The following NCOR1 variants were observed in gnomAD, a reference collection of about 807,000 sequenced individuals.
The protein encoded by NCOR1 is nuclear receptor corepressor 1.
NCOR1 carries 63 observed loss-of-function variants against 288.1 expected under a neutral mutation model. The ratio of observed to expected loss-of-function variants is 0.22; its 90% confidence interval spans 0.18 to 0.27. The LOEUF (loss-of-function observed/expected upper bound fraction) is 0.27, where lower values mean the gene tolerates loss of function less well. Ranked by LOEUF, NCOR1 falls within the 10% of genes least tolerant of loss-of-function variation. NCOR1 has a pLI of 1.00. For missense variants in NCOR1, 2,397 were observed against 3,019.2 expected (o/e 0.79, Z 4.83); for synonymous variants, 1,007 against 1,065.9 (o/e 0.94, Z 1.08).
chr17:16,146,347 TCA>T lies in NCOR1; in HGVS notation c.1082+27_1082+28del, dbSNP rs556527571. 1.6e-3 allele frequency: 2,434 copies of T among 1,551,874 alleles called. 6 individuals are homozygous for T. Among genetic ancestry groups the T allele is most frequent in the Non-Finnish European group, 1.7e-3 (1,987 of 1,154,066 alleles). ...AACAATAAATATTTGAAGAAAAATA[TCA>T]CAGTCATTAAACATCAAACTACTCA... On this transcript the variant is annotated intron_variant, in intron 10 of 45. Transcript: ENST00000268712.
At chr17:16,073,633 G>C (rs1228010741) in intron 27 of NCOR1, 64 bp from the exon 28 acceptor site, 1 of 1,342,018 alleles carries the variant, frequency 7.5e-7, no homozygotes. Flanking sequence ...ACAGTAAATA[G>C]GTTAGTTTCA....
At chr17:16,057,862 G>A (rs2060112926) in intron 39 of NCOR1, 45 bp downstream of exon 39, 1 of 1,538,772 alleles carries the variant, frequency 6.5e-7, no homozygotes, top group Non-Finnish European at 8.7e-7. Flanking sequence ...CTTTCCCCAT[G>A]ATCAAAAAAG....
intron 10 of NCOR1, among the ~76,000 whole-genome samples, chr17:16,145,295 G>A (rs1029613962): frequency 1.3e-5 from 2 of 152,248 alleles, no homozygotes; most frequent in Non-Finnish European, 2.9e-5. Context: ...AAAGTGCCGA[G>A]ATTGCAGCCT....
At chr17:16,183,598 T>C (rs1239063662) in intron 3 of NCOR1, among the ~76,000 whole-genome samples, 1 of 152,000 alleles carries the variant, frequency 6.6e-6, no homozygotes, top group Non-Finnish European at 1.5e-5. Flanking sequence ...AAGACACAAA[T>C]AAATGAAGAG....
At chr17:16,113,592 C>T (rs2070816469) in intron 18 of NCOR1, among the ~76,000 whole-genome samples, 1 of 152,018 alleles carries the variant, frequency 6.6e-6, no homozygotes, top group African/African-American at 2.4e-5. Flanking sequence ...CCTTCATACT[C>T]TGTTAAAATC....
rs753398461 is a variant in NCOR1 at position 16,087,238 on chromosome 17, G to A, written c.3017-796C>T. The A allele has an allele frequency of 4.6e-6, 6 of 1,304,250 alleles. No individual in the cohort carries two copies. The South Asian group carries it at 7.4e-5, about 16-fold the overall frequency. 80.8% of individuals were successfully genotyped at this position (1,304,250 alleles called of 1,614,324 possible). ...GGAGCGGCTTTACTGACTTCTCTTG[G>A]AGAAAGCCTACACGGTGAGGCTGAC... is the stretch of plus-strand genomic sequence containing the variant. On this transcript the variant is annotated intron_variant, in intron 22 of 45. Coordinates refer to ENST00000268712, the MANE Select transcript of NCOR1 (RefSeq NM_006311.4).
At chr17:16,051,588 C>G (rs146771713) in intron 40 of NCOR1, among the ~76,000 whole-genome samples, 1 of 152,082 alleles carries the variant, frequency 6.6e-6, no homozygotes, top group African/African-American at 2.4e-5. Flanking sequence ...CAAGAGCAAA[C>G]AAATCCCAAA....
At position 16,068,018 on chromosome 17, in the gene NCOR1, G is replaced by T; in HGVS notation, c.4617C>A (p.Asp1539Glu). The T allele has an allele frequency of 6.2e-7, 1 of 1,614,186 alleles. No homozygotes were observed. Among genetic ancestry groups the T allele is most frequent in the Middle Eastern group, 1.6e-4 (1 of 6,062 alleles). ...CAAACGGACTGTGGCTCACGACAGG[G>T]TCCACCCCAGGCACTGGAGACTTCG... The part of the protein sequence containing the change: ...IPAKSPVPGV[D>E]PVVSHSPFDP... The change falls in exon 32 of 46, where the codon GAC becomes GAA. Residue 1539 changes from aspartate (D) to glutamate (E), a missense_variant. By Grantham distance (45) the Asp-to-Glu change is conservative. Coordinates refer to ENST00000268712, the MANE Select transcript of NCOR1 (RefSeq NM_006311.4).
chr17:16,080,397 G>C lies in NCOR1; in HGVS notation c.3400+11C>G. ...AAAAGTTTAACATTTCTGCCAACCA[G>C]CATATTTTACCTCTGACTACACCTT... On this transcript the variant is annotated intron_variant, in intron 25 of 45. Transcript: ENST00000268712. The C allele has an allele frequency of 6.3e-7, 1 of 1,596,904 alleles. No individual in the cohort carries two copies. The highest frequency in any genetic ancestry group is 8.6e-7 in the Non-Finnish European group (1 of 1,168,850).
chr17:16,149,858 G>A (rs1470022055), intron 8 of NCOR1, among the ~76,000 whole-genome samples: 2 of 152,146 alleles, frequency 1.3e-5, no homozygotes, highest in Non-Finnish European at 2.9e-5. Context: ...ACTCTTTGGA[G>A]AAGGGAGGTA....
intron 3 of NCOR1, among the ~76,000 whole-genome samples, chr17:16,176,608 T>C (rs2084253308): frequency 6.6e-6 from 1 of 150,666 alleles, no homozygotes; most frequent in Non-Finnish European, 1.5e-5. Flanking sequence ...AGTGCTTTCA[T>C]GTCTAAGAAA....
intron 7 of NCOR1, among the ~76,000 whole-genome samples, 194 bp from the exon 8 acceptor site, chr17:16,152,192 A>G (rs1309091701): frequency 6.6e-6 from 1 of 152,200 alleles, no homozygotes; most frequent in African/African-American, 2.4e-5. Context: ...TCTAGGGTAC[A>G]CGTGCACAAC....
chr17:16,101,051 A>C, intron 20 of NCOR1, among the ~76,000 whole-genome samples, 199 bp downstream of exon 20: 1 of 152,246 alleles, frequency 6.6e-6, no homozygotes, highest in East Asian at 1.9e-4. Context: ...AGAAATGTAT[A>C]ATCTGTTTCA....
Position 16,106,956 on chromosome 17 carries a change from G to C in NCOR1, c.2182+1830C>G, listed in dbSNP as rs191661963. Among the ~76,000 whole-genome samples the C allele has an allele frequency of 3.9e-5, 5 of 128,224 alleles. No homozygotes were observed. The East Asian group carries it at 1.2e-3, about 31-fold the overall frequency. The allele number at this position is 128,224 out of a possible 152,430, so 84.1% of individuals were successfully genotyped here. On this transcript the variant is annotated intron_variant, in intron 19 of 45. Transcript: ENST00000268712. ...CGCCCAGGCTGGAGTGCAGTGGCGTGATCTCAGCTCACTGCAAGCTCCGCC... is the reference window on the plus strand; with the variant it reads ...CGCCCAGGCTGGAGTGCAGTGGCGTCATCTCAGCTCACTGCAAGCTCCGCC...
At chr17:16,143,732 G>T (rs1310019909) in intron 10 of NCOR1, 36 bp from the exon 11 acceptor site, 8 of 1,453,168 alleles carry the variant, frequency 5.5e-6, no homozygotes, top group South Asian at 1.2e-5. Flanking sequence ...TATATTTAAA[G>T]ACCTTATATA....
At chr17:16,049,877 C>G (rs542310490) in intron 40 of NCOR1, among the ~76,000 whole-genome samples, 1 of 152,052 alleles carries the variant, frequency 6.6e-6, no homozygotes, top group Admixed American at 6.6e-5. Flanking sequence ...GCACCTGGCC[C>G]ATTTATCTTA....
At position 16,064,050 on chromosome 17, in the gene NCOR1, G is replaced by A. The variant is rs374972917; in HGVS notation, c.5221+18C>T. On this transcript the variant is annotated intron_variant, in intron 35 of 45. Transcript: ENST00000268712. ...TAAGATGTGTCCAGAGAATGGAAGA[G>A]CAGTGCCTTTCACTGACCTGGCCGC... The A allele has an allele frequency of 1.9e-6, 3 of 1,613,402 alleles. No individual in the cohort carries two copies. Among genetic ancestry groups the A allele is most frequent in the Middle Eastern group, 1.6e-4 (1 of 6,080 alleles).
chr17:16,089,756 C>T (rs2064876795), intron 22 of NCOR1, among the ~76,000 whole-genome samples: 1 of 152,050 alleles, frequency 6.6e-6, no homozygotes, highest in Non-Finnish European at 1.5e-5. Context: ...ATTCTAGACA[C>T]AAGCATCTTA....
At chr17:16,153,531 T>C in intron 6 of NCOR1, 136 bp from the exon 7 acceptor site, 1 of 513,814 alleles carries the variant, frequency 1.9e-6, no homozygotes, top group East Asian at 3.2e-5. Flanking sequence ...TTCTTCTATA[T>C]GACAGGCTGA....
Sources: gnomAD v4.1 joint callset for allele counts (sites outside exome capture counted in the v4.1 genomes callset) on GRCh38, gnomAD v4.1.1 for gene constraint, MANE v1.5 for transcripts, NCBI Gene and HGNC (gene_info 2026-07-23, HGNC 2026-07-21) for gene names.